The following NPAS3 variants were observed in gnomAD, a reference collection of about 807,000 sequenced individuals.
NPAS3 encodes the protein neuronal PAS domain protein 3, also known as neuronal PAS domain-containing protein 3.
A neutral mutation model predicts 73.1 loss-of-function variants in NPAS3; 14 were observed. The ratio of observed to expected loss-of-function variants is 0.19; its 90% CI spans 0.13 to 0.30. The LOEUF (loss-of-function observed/expected upper bound fraction) is 0.30, where lower values mean the gene tolerates loss of function less well. NPAS3 is among the 10% of genes least tolerant of loss of function. The probability of loss-of-function intolerance (pLI) is 1.00; values close to 1 mark genes in which losing one functional copy is unlikely to be tolerated. For synonymous variants in NPAS3, 620 were observed against 541.5 expected (o/e 1.14, Z -2.01); for missense variants, 1,096 against 1,250.0 (o/e 0.88, Z 1.86).
intron 2 of NPAS3, among the ~76,000 whole-genome samples, chr14:33,145,538 C>G (rs1226142137): frequency 6.6e-6 from 1 of 152,118 alleles, no homozygotes; most frequent in Non-Finnish European, 1.5e-5. Context: ...AGGTGTCACT[C>G]AAATGATAGA....
At chr14:32,972,487 T>C (rs1184255675) in intron 1 of NPAS3, among the ~76,000 whole-genome samples, 2 of 152,314 alleles carry the variant, frequency 1.3e-5, no homozygotes, top group East Asian at 1.9e-4. Flanking sequence ...TTTTGCCAAA[T>C]TCTGCAGCAT....
chr14:33,446,166 CTTTTT>C (rs71118544), intron 4 of NPAS3, among the ~76,000 whole-genome samples: 1 of 120,008 alleles, frequency 8.3e-6, no homozygotes, highest in African/African-American at 3.2e-5. Context: ...TTCATGCTTT[CTTTTT>C]TTTTTTTTTT....
intron 6 of NPAS3, among the ~76,000 whole-genome samples, chr14:33,720,147 G>C (rs1364667462): frequency 6.6e-6 from 1 of 152,134 alleles, no homozygotes; most frequent in African/African-American, 2.4e-5. Flanking sequence ...TTTGTGCTGA[G>C]TGATTCTTCT....
chr14:33,107,104 C>A (rs995743277), intron 2 of NPAS3, among the ~76,000 whole-genome samples: 1 of 150,860 alleles, frequency 6.6e-6, no homozygotes, highest in Admixed American at 6.6e-5. Flanking sequence ...TGCAGCTGTG[C>A]ATTTAACCAG....
intron 4 of NPAS3, among the ~76,000 whole-genome samples, chr14:33,376,963 G>A (rs902301438): frequency 2.0e-4 from 30 of 152,112 alleles, no homozygotes; most frequent in Non-Finnish European, 3.7e-4. Flanking sequence ...AATAATGTGC[G>A]AGTTTTTAAG....
At chr14:33,718,844 G>A (rs7143044) in intron 6 of NPAS3, among the ~76,000 whole-genome samples, 1 of 151,922 alleles carries the variant, frequency 6.6e-6, no homozygotes, top group East Asian at 1.9e-4. Context: ...GTAAAGCTGC[G>A]GCCAGGTACG....
chr14:33,004,129 G>A (rs1323508284), intron 1 of NPAS3, among the ~76,000 whole-genome samples: 2 of 152,156 alleles, frequency 1.3e-5, no homozygotes, highest in African/African-American at 4.8e-5. Flanking sequence ...GAACAGACAT[G>A]TAGAAAACAC....
At chr14:33,213,259 G>T (rs914451567) in intron 2 of NPAS3, among the ~76,000 whole-genome samples, 4 of 151,946 alleles carry the variant, frequency 2.6e-5, no homozygotes, top group African/African-American at 9.7e-5. Context: ...TGTAAGTTTA[G>T]CCCACCTTCT....
At chr14:33,602,998 G>A (rs1216402148) in intron 5 of NPAS3, among the ~76,000 whole-genome samples, 2 of 152,130 alleles carry the variant, frequency 1.3e-5, no homozygotes, top group African/African-American at 2.4e-5. Context: ...CCAATCATAC[G>A]TACCAGATGT....
chr14:33,618,512 G>A (rs1428772933), intron 5 of NPAS3, among the ~76,000 whole-genome samples: 1 of 152,040 alleles, frequency 6.6e-6, no homozygotes, highest in Non-Finnish European at 1.5e-5. Context: ...GATCTGACAG[G>A]AGGTGGAGCT....
intron 3 of NPAS3, among the ~76,000 whole-genome samples, chr14:33,225,402 A>G (rs1219009588): frequency 1.3e-5 from 2 of 152,190 alleles, no homozygotes; most frequent in Non-Finnish European, 2.9e-5. Flanking sequence ...AAGAGTGCCT[A>G]AAAGGCAAGG....
chr14:32,943,471 C>G (rs2036114898), intron 1 of NPAS3, among the ~76,000 whole-genome samples: 1 of 152,092 alleles, frequency 6.6e-6, no homozygotes, highest in African/African-American at 2.4e-5. Context: ...TATGAACCAC[C>G]TTACTCCTCT....
At position 33,392,750 on chromosome 14, in the gene NPAS3, C is replaced by T. The variant is rs913036936; in HGVS notation, c.468+25482C>T. On this transcript the variant is annotated intron_variant, in intron 4 of 11. Coordinates refer to ENST00000356141, the Ensembl canonical transcript of NPAS3. ...AACAAATACAGATTTTACACATCACCGCTCGTGTTACCCTTACTCCAGTTG... is the reference window on the plus strand; with the variant it reads ...AACAAATACAGATTTTACACATCACTGCTCGTGTTACCCTTACTCCAGTTG... Among the ~76,000 whole-genome samples, 13 of 152,152 alleles carry T rather than the reference C, an allele frequency of 8.5e-5. No homozygotes were observed. The South Asian group carries it at 1.2e-3, about 15-fold the overall frequency.
At chr14:33,717,388 A>G (rs2060986805) in intron 6 of NPAS3, among the ~76,000 whole-genome samples, 2 of 152,064 alleles carry the variant, frequency 1.3e-5, no homozygotes. Flanking sequence ...TTCAATAACA[A>G]CTTCTCCCTG....
intron 5 of NPAS3, among the ~76,000 whole-genome samples, chr14:33,617,062 T>G (rs542051019): frequency 6.6e-6 from 1 of 152,340 alleles, no homozygotes; most frequent in African/African-American, 2.4e-5. Flanking sequence ...TCAAAAAATT[T>G]CACTGGGATT....
chr14:33,240,406 G>T (rs2048176182), intron 3 of NPAS3, among the ~76,000 whole-genome samples: 1 of 151,284 alleles, frequency 6.6e-6, no homozygotes, highest in Admixed American at 6.6e-5. Context: ...TATATTTCAT[G>T]TACCTCTCTA....
chr14:33,074,025 C>G (rs1300656038), intron 2 of NPAS3, among the ~76,000 whole-genome samples: 1 of 152,170 alleles, frequency 6.6e-6, no homozygotes, highest in African/African-American at 2.4e-5. Flanking sequence ...GTTTGAGGAC[C>G]ACTGTTCTAG....
chr14:32,987,226 A>ATTTTTTTTTTTTTT (rs201588607), intron 1 of NPAS3, among the ~76,000 whole-genome samples: 1 of 141,894 alleles, frequency 7.0e-6, no homozygotes, highest in African/African-American at 2.6e-5. Flanking sequence ...TTGTGTCAGA[A>ATTTTTTTTTTTTTT]TTTTTTTTTT....
intron 5 of NPAS3, among the ~76,000 whole-genome samples, chr14:33,634,691 C>G (rs181629557): frequency 6.6e-6 from 1 of 152,066 alleles, no homozygotes; most frequent in South Asian, 2.1e-4. Flanking sequence ...TTTGGGGATA[C>G]GGGGAGGAAA....
Sources: gnomAD v4.1 joint callset for allele counts (sites outside exome capture counted in the v4.1 genomes callset) on GRCh38, gnomAD v4.1.1 for gene constraint, MANE v1.5 for transcripts, NCBI Gene and HGNC (gene_info 2026-07-23, HGNC 2026-07-21) for gene names.